CFAP20DC: variants seen among roughly 807,000 people sequenced by gnomAD.
CFAP20DC encodes the protein protein CFAP20DC.
A neutral mutation model predicts 101.7 loss-of-function variants in CFAP20DC; 84 were observed. The ratio of observed to expected loss-of-function variants is 0.83; its 90% CI spans 0.69 to 0.99. The LOEUF (loss-of-function observed/expected upper bound fraction) is 0.99, where lower values mean the gene tolerates loss of function less well. Among genes scored for constraint, CFAP20DC ranks in the 50% least tolerant of loss-of-function variants. CFAP20DC has a pLI of 0.00. For synonymous variants in CFAP20DC, 359 were observed against 351.2 expected (o/e 1.02, Z -0.25); for missense variants, 1,007 against 970.3 (o/e 1.04, Z -0.50).
At chr3:58,973,184 C>G (rs2092054162) in intron 4 of CFAP20DC, among the ~76,000 whole-genome samples, 1 of 152,200 alleles carries the variant, frequency 6.6e-6, no homozygotes, top group African/African-American at 2.4e-5. Flanking sequence ...TCAGCCCTAA[C>G]TCATTCCTTG....
At chr3:58,819,259 A>C (rs1031417724) in intron 14 of CFAP20DC, among the ~76,000 whole-genome samples, 92 of 152,224 alleles carry the variant, frequency 6.0e-4, no homozygotes, top group African/African-American at 2.0e-3. Flanking sequence ...AACACATTCA[A>C]AAGCTAGCAG....
intron 15 of CFAP20DC, among the ~76,000 whole-genome samples, chr3:58,768,492 G>A (rs765400481): frequency 2.6e-5 from 4 of 152,052 alleles, no homozygotes; most frequent in Non-Finnish European, 2.9e-5. Context: ...AAATATTTAG[G>A]GATACCTTAC....
chr3:58,773,388 CAAAAAAA>C (rs752693103), intron 15 of CFAP20DC, among the ~76,000 whole-genome samples: 1 of 99,132 alleles, frequency 1.0e-5, no homozygotes. Context: ...TCATCTCTAG[CAAAAAAA>C]AAAAAAAGAA....
At chr3:58,962,424 C>CAA (rs2091217925) in intron 4 of CFAP20DC, among the ~76,000 whole-genome samples, 1 of 152,168 alleles carries the variant, frequency 6.6e-6, no homozygotes, top group South Asian at 2.1e-4. Flanking sequence ...AAACTCGTTT[C>CAA]ATGGCCTAGC....
intron 15 of CFAP20DC, among the ~76,000 whole-genome samples, chr3:58,778,768 C>T (rs2071566893): frequency 6.6e-6 from 1 of 152,214 alleles, no homozygotes; most frequent in South Asian, 2.1e-4. Context: ...GACTGGCTCA[C>T]CTGGCATCCC....
intron 15 of CFAP20DC, among the ~76,000 whole-genome samples, chr3:58,802,059 A>G (rs2073750744): frequency 6.6e-6 from 1 of 152,200 alleles, no homozygotes; most frequent in Admixed American, 6.5e-5. Flanking sequence ...AATAGCAAGT[A>G]TAATCATCAT....
intron 3 of CFAP20DC, among the ~76,000 whole-genome samples, chr3:59,045,929 G>A (rs1342966475): frequency 2.6e-5 from 4 of 151,940 alleles, no homozygotes; most frequent in African/African-American, 4.8e-5. Context: ...CAAAGCTCCT[G>A]GCACATAGTA....
rs889210191 is a variant in CFAP20DC at position 58,868,466 on chromosome 3, T to C, written c.1016-530A>G. ...ATTTCTTGGTGCAATATGATACACT[T>C]AACTGGCTTTTCCCCTGAATCCTCA... is the stretch of plus-strand genomic sequence containing the variant. On this transcript the variant is annotated intron_variant, in intron 9 of 16. Coordinates refer to ENST00000482387, the MANE Select transcript of CFAP20DC (RefSeq NM_001394063.1). The surrounding 1 kb of genome is among the most constrained non-coding windows in gnomAD (Gnocchi z 4.6). Among the ~76,000 whole-genome samples the C allele has an allele frequency of 2.0e-5, 3 of 152,158 alleles. No individual in the cohort carries two copies.
intron 14 of CFAP20DC, among the ~76,000 whole-genome samples, chr3:58,822,312 A>AAAAAAAC (rs1553682504): frequency 7.2e-6 from 1 of 138,392 alleles, no homozygotes; most frequent in African/African-American, 2.8e-5. Context: ...AAATCATGAA[A>AAAAAAAC]AAACAAACAA....
chr3:58,794,365 GA>G (rs1203524693), intron 15 of CFAP20DC: 31 of 455,388 alleles, frequency 6.8e-5, no homozygotes, highest in Non-Finnish European at 1.3e-4. Context: ...AGAGTCAACA[GA>G]ACAATAATGA....
At chr3:59,040,518 A>G (rs958431904) in intron 3 of CFAP20DC, among the ~76,000 whole-genome samples, 2 of 152,052 alleles carry the variant, frequency 1.3e-5, no homozygotes, top group Non-Finnish European at 2.9e-5. Context: ...TTTTGGGTAG[A>G]AAATGGAGAT....
At chr3:59,037,637 G>A (rs2109192940) in intron 4 of CFAP20DC, among the ~76,000 whole-genome samples, 1 of 152,288 alleles carries the variant, frequency 6.6e-6, no homozygotes, top group East Asian at 1.9e-4. Flanking sequence ...AACAACAGAT[G>A]CTGGAGAGGA....
At chr3:58,895,707 G>C (rs1036337643) in intron 6 of CFAP20DC, among the ~76,000 whole-genome samples, 1 of 152,050 alleles carries the variant, frequency 6.6e-6, no homozygotes, top group African/African-American at 2.4e-5. Context: ...TACTGTATTA[G>C]GCTGTTTTCA....
chr3:58,890,743 G>C (rs1371320472), intron 6 of CFAP20DC, among the ~76,000 whole-genome samples: 1 of 148,424 alleles, frequency 6.7e-6, no homozygotes, highest in African/African-American at 2.5e-5. Flanking sequence ...TCACCTCCCA[G>C]ACGGGGTTGC....
intron 6 of CFAP20DC, among the ~76,000 whole-genome samples, chr3:58,906,907 C>T (rs2083646236): frequency 6.6e-6 from 1 of 152,118 alleles, no homozygotes; most frequent in Admixed American, 6.5e-5. Context: ...ACAGCCTGGG[C>T]AACGGAGTGA....
In CFAP20DC at chr3:58,721,382, C is replaced by T. The variant is rs978100098; in HGVS notation, c.198-3754G>A. Reference sequence around the variant, plus strand: ...TTTATAGTCAGAATGAAGAGATAGACATTTTTTAAAAATTACAACCATGAT... The same window carrying T: ...TTTATAGTCAGAATGAAGAGATAGATATTTTTTAAAAATTACAACCATGAT... On this transcript the variant is annotated intron_variant, in intron 3 of 3. Transcript: ENST00000486145. This position sits in a 1 kb window ranked among gnomAD's most constrained non-coding sequence, Gnocchi z 5.2. Among the ~76,000 whole-genome samples, 3 of 151,742 alleles carry T rather than the reference C, an allele frequency of 2.0e-5. No individual in the cohort carries two copies. The highest frequency in any genetic ancestry group is 7.3e-5 in the African/African-American group (3 of 41,350).
At chr3:58,815,098 C>G (rs1289823289) in intron 14 of CFAP20DC, among the ~76,000 whole-genome samples, 8 of 151,136 alleles carry the variant, frequency 5.3e-5, no homozygotes, top group Non-Finnish European at 8.9e-5. Flanking sequence ...CACTACCTGA[C>G]TTCAAACTAT....
chr3:58,790,057 G>A (rs2072721265), intron 15 of CFAP20DC, among the ~76,000 whole-genome samples: 1 of 152,094 alleles, frequency 6.6e-6, no homozygotes, highest in Admixed American at 6.6e-5. Context: ...TAATATTGAT[G>A]TGTAATGTAA....
At chr3:58,823,652 A>C (rs1189798173) in intron 14 of CFAP20DC, among the ~76,000 whole-genome samples, 1 of 152,086 alleles carries the variant, frequency 6.6e-6, no homozygotes, top group African/African-American at 2.4e-5. Context: ...GTCTGAGTCC[A>C]CAGCTTACCC....
Sources: gnomAD v4.1 joint callset for allele counts (sites outside exome capture counted in the v4.1 genomes callset) on GRCh38, gnomAD v4.1.1 for gene constraint, Gnocchi (gnomAD v3.1) non-coding constraint, MANE v1.5 for transcripts, NCBI Gene and HGNC (gene_info 2026-07-23, HGNC 2026-07-21) for gene names.